ZNF609: variants seen among roughly 807,000 people sequenced by gnomAD.
ZNF609 encodes zinc finger protein 609.
Under a neutral mutation model 109.5 loss-of-function variants are expected in ZNF609, and 11 were observed. The ratio of observed to expected loss-of-function variants is 0.10; its 90% CI spans 0.06 to 0.17. The LOEUF (loss-of-function observed/expected upper bound fraction) is 0.17. Ranked by LOEUF, ZNF609 falls within the 10% of genes least tolerant of loss-of-function variation. The probability of loss-of-function intolerance (pLI) is 1.00; values close to 1 mark genes in which losing one functional copy is unlikely to be tolerated. For missense variants in ZNF609, 1,559 were observed against 1,772.4 expected, an observed-to-expected ratio of 0.88 and a Z score of 2.16; for synonymous variants, 646 against 662.0, an observed-to-expected ratio of 0.98 and a Z score of 0.37.
At chr15:64,556,939 T>C (rs1894598073) in intron 2 of ZNF609, among the ~76,000 whole-genome samples, 1 of 152,130 alleles carries the variant, frequency 6.6e-6, no homozygotes, top group Admixed American at 6.6e-5. Context: ...CTTTTCAACA[T>C]TAAAGATTAA....
Position 64,493,370 on chromosome 15 carries a change from G to A in ZNF609, c.-127-5923G>A, listed in dbSNP as rs184910810. On this transcript the variant is annotated intron_variant, in intron 1 of 9. Transcript: ENST00000326648. ...AAGAGTTGTATGGTCTGTGACATAA[G>A]TCCTTAAAATTGCAATTAATGACCT... Among the ~76,000 whole-genome samples, 347 of 152,256 alleles carry A rather than the reference G, an allele frequency of 2.3e-3. 1 individual carries two copies. The highest frequency in any genetic ancestry group is 3.8e-3 in the Non-Finnish European group (257 of 68,020).
At chr15:64,665,708 G>C (rs191684916) in intron 3 of ZNF609, among the ~76,000 whole-genome samples, 236 of 152,260 alleles carry the variant, frequency 1.5e-3, no homozygotes, top group African/African-American at 5.6e-3. Flanking sequence ...TCAGGAGTTT[G>C]AGACCAGCCT....
chr15:64,667,456 C>T (rs1476594701), intron 3 of ZNF609, among the ~76,000 whole-genome samples: 1 of 152,142 alleles, frequency 6.6e-6, no homozygotes, highest in Non-Finnish European at 1.5e-5. Context: ...CACCTGTAAT[C>T]CCAACACTTT....
intron 2 of ZNF609, among the ~76,000 whole-genome samples, chr15:64,583,471 G>A (rs1244275566): frequency 2.0e-5 from 3 of 152,138 alleles, no homozygotes; most frequent in Admixed American, 2.0e-4. Flanking sequence ...CTATAGGAAG[G>A]AGTTGATTGA....
At position 64,674,582 on chromosome 15, in the gene ZNF609, C is replaced by T; in HGVS notation, c.1728C>T (p.Ser576=). The T allele has an allele frequency of 6.2e-7, 1 of 1,614,072 alleles. No individual in the cohort carries two copies. The highest frequency in any genetic ancestry group is 8.5e-7 in the Non-Finnish European group (1 of 1,180,014). The change falls in exon 5 of 10, where the codon AGC becomes AGT. Residue 576 remains serine (S), a synonymous_variant. Transcript: ENST00000326648. ...AAGTTCGACTTGTAGAGCCCCATAGCCCTTCTCCTTCAAGCAAATTCAGCA... is the reference window on the plus strand; with the variant it reads ...AAGTTCGACTTGTAGAGCCCCATAGTCCTTCTCCTTCAAGCAAATTCAGCA... ...TPKVRLVEPH[S]PSPSSKFSTK...
chr15:64,465,597 T>A (rs1893003339), intron 1 of ZNF609, among the ~76,000 whole-genome samples: 1 of 152,008 alleles, frequency 6.6e-6, no homozygotes, highest in African/African-American at 2.4e-5. Context: ...GCCAGGCTGC[T>A]GTAGAGCTCC....
At chr15:64,463,055 A>T (rs1265717696) in intron 1 of ZNF609, among the ~76,000 whole-genome samples, 3 of 152,062 alleles carry the variant, frequency 2.0e-5, no homozygotes, top group Admixed American at 6.6e-5. Context: ...GGAGTTTGAG[A>T]GTGGCCTGGG....
chr15:64,565,812 T>A (rs1894766914), intron 2 of ZNF609, among the ~76,000 whole-genome samples: 2 of 152,196 alleles, frequency 1.3e-5, no homozygotes, highest in South Asian at 4.1e-4. Flanking sequence ...TACATTCATT[T>A]AAAAGCATTC....
At chr15:64,515,248 G>C (rs1893789253) in intron 2 of ZNF609, among the ~76,000 whole-genome samples, 1 of 152,178 alleles carries the variant, frequency 6.6e-6, no homozygotes, top group African/African-American at 2.4e-5. Context: ...GCCTAGAGAT[G>C]ACACTGCTGT....
chr15:64,505,157 C>T (rs2140354106), intron 2 of ZNF609, among the ~76,000 whole-genome samples: 1 of 152,282 alleles, frequency 6.6e-6, no homozygotes, highest in Middle Eastern at 3.4e-3. Flanking sequence ...ACCATTACAG[C>T]TGGCACTGAA....
At chr15:64,616,091 T>C (rs1270868880) in intron 2 of ZNF609, among the ~76,000 whole-genome samples, 8 of 152,070 alleles carry the variant, frequency 5.3e-5, no homozygotes, top group Admixed American at 1.3e-4. Flanking sequence ...CAGTCATAGC[T>C]GCTGCCTCAT....
At chr15:64,493,566 A>G (rs1893443947) in intron 1 of ZNF609, among the ~76,000 whole-genome samples, 1 of 152,182 alleles carries the variant, frequency 6.6e-6, no homozygotes, top group Non-Finnish European at 1.5e-5. Context: ...GGAATTTCTT[A>G]ATGATCAGGT....
At chr15:64,462,100 C>G (rs1044008576) in intron 1 of ZNF609, among the ~76,000 whole-genome samples, 1 of 152,216 alleles carries the variant, frequency 6.6e-6, no homozygotes, top group Non-Finnish European at 1.5e-5. Context: ...TGGATATGCT[C>G]CATCTCCCAG....
chr15:64,656,866 C>G (rs1389785785), intron 3 of ZNF609, among the ~76,000 whole-genome samples: 1 of 152,036 alleles, frequency 6.6e-6, no homozygotes, highest in Non-Finnish European at 1.5e-5. Context: ...CACCACCCTG[C>G]CCCCCACCTC....
At chr15:64,513,917 G>A (rs758066249) in intron 2 of ZNF609, among the ~76,000 whole-genome samples, 2 of 151,816 alleles carry the variant, frequency 1.3e-5, no homozygotes, top group Non-Finnish European at 2.9e-5. Flanking sequence ...CATAGGGAGG[G>A]CCTGTCTGTA....
intron 2 of ZNF609, among the ~76,000 whole-genome samples, chr15:64,573,767 A>G (rs547882988): frequency 1.3e-5 from 2 of 152,228 alleles, no homozygotes; most frequent in East Asian, 1.9e-4. Context: ...TGGGTTTACC[A>G]TGTTCTTTCA....
Position 64,477,136 on chromosome 15 carries a change from CTT to C in ZNF609, c.-128+16319_-128+16320del, listed in dbSNP as rs911785223. On this transcript the variant is annotated intron_variant, in intron 1 of 9. Transcript: ENST00000326648. Reference sequence around the variant, plus strand: ...TATTCCCTTGCTTACTCTTCTCTTTCTTTTTTTTTTTTTTTTTTTTTTGAGAC... The same window carrying C: ...TATTCCCTTGCTTACTCTTCTCTTTCTTTTTTTTTTTTTTTTTTTTGAGAC... 6.3e-3 allele frequency among the ~76,000 whole-genome samples: 669 copies of C among 105,710 alleles called. 2 individuals carry two copies. The highest frequency in any genetic ancestry group is 0.024 in the African/African-American group (633 of 26,442). The allele number at this position is 105,710 out of a possible 152,430, so 69.3% of individuals were successfully genotyped here.
Position 64,598,786 on chromosome 15 carries a change from A to ATATG in ZNF609, c.748-24040_748-24039insATGT, listed in dbSNP as rs1428755914. 3.9e-5 allele frequency among the ~76,000 whole-genome samples: 4 copies of ATATG among 102,140 alleles called. No homozygotes were observed. The East Asian group carries it at 1.1e-3, about 29-fold the overall frequency. The allele number at this position is 102,140 out of a possible 152,430, so 67.0% of individuals were successfully genotyped here. On this transcript the variant is annotated intron_variant, in intron 2 of 9. Coordinates refer to ENST00000326648, the MANE Select transcript of ZNF609 (RefSeq NM_015042.2). ...TATATATATATATATATATATATAT[A>ATATG]TCCTGTTATCTTCTTGATACAAATC...
chr15:64,545,622 A>T (rs1432437494), intron 2 of ZNF609, among the ~76,000 whole-genome samples: 2 of 152,164 alleles, frequency 1.3e-5, no homozygotes, highest in African/African-American at 2.4e-5. Context: ...CAAAACCAAG[A>T]TGTAGAACGT....
Sources: allele counts gnomAD v4.1 joint callset (sites outside exome capture counted in the v4.1 genomes callset), GRCh38; gene constraint gnomAD v4.1.1; transcripts MANE v1.5; gene names NCBI Gene and HGNC (gene_info 2026-07-23, HGNC 2026-07-21).